RNF212B: variants seen among roughly 807,000 people sequenced by gnomAD.
RNF212B encodes E3 ubiquitin-protein ligase RNF212B.
RNF212B carries 52 observed loss-of-function variants against 55.5 expected under a neutral mutation model. The observed-to-expected ratio is 0.94, with a 90% CI of 0.75 to 1.18. The LOEUF (loss-of-function observed/expected upper bound fraction) is 1.18, where lower values mean the gene tolerates loss of function less well. RNF212B is among the 50% of genes most tolerant of loss of function. The pLI, the probability that RNF212B is intolerant of heterozygous loss-of-function variation, is 0.00. For missense variants in RNF212B, 289 were observed against 350.4 expected, an observed-to-expected ratio of 0.82 and a Z score of 1.40; for synonymous variants, 99 against 121.4, an observed-to-expected ratio of 0.82 and a Z score of 1.21.
intron 4 of RNF212B, among the ~76,000 whole-genome samples, chr14:23,245,103 C>A (rs1359406398): frequency 6.6e-6 from 1 of 152,110 alleles, no homozygotes; most frequent in Non-Finnish European, 1.5e-5. Flanking sequence ...TGGCATATTT[C>A]TTGAGGTTTT....
intron 2 of RNF212B, among the ~76,000 whole-genome samples, chr14:23,214,305 C>T (rs1880861322): frequency 6.6e-6 from 1 of 152,058 alleles, no homozygotes; most frequent in East Asian, 1.9e-4. Flanking sequence ...ACCAGCCTGG[C>T]CAACATAGTG....
chr14:23,233,842 A>G (rs1882911478), upstream of RNF212B, among the ~76,000 whole-genome samples: 1 of 152,138 alleles, frequency 6.6e-6, no homozygotes, highest in African/African-American at 2.4e-5. Flanking sequence ...CATGCCTGTA[A>G]TCCCAGCACT....
upstream of RNF212B, among the ~76,000 whole-genome samples, chr14:23,233,375 T>A (rs1882857431): frequency 2.0e-5 from 3 of 149,662 alleles, no homozygotes. Context: ...CAAATGCCCC[T>A]CTGCGAGAAA....
chr14:23,220,352 C>G (rs979820364), intron 2 of RNF212B, among the ~76,000 whole-genome samples: 1 of 151,842 alleles, frequency 6.6e-6, no homozygotes, highest in Non-Finnish European at 1.5e-5. Flanking sequence ...GCTAACATGG[C>G]AAAACCCCAT....
intron 4 of RNF212B, among the ~76,000 whole-genome samples, chr14:23,252,095 G>A (rs939626887): frequency 6.6e-6 from 1 of 152,046 alleles, no homozygotes; most frequent in South Asian, 2.1e-4. Context: ...AGGGGTTGGG[G>A]GGCGTGGGAA....
At chr14:23,193,714 A>T (rs1376066097) in intron 2 of RNF212B, among the ~76,000 whole-genome samples, 1 of 151,534 alleles carries the variant, frequency 6.6e-6, no homozygotes, top group African/African-American at 2.4e-5. Context: ...AAGAATATGT[A>T]GATAGTCATA....
intron 2 of RNF212B, among the ~76,000 whole-genome samples, chr14:23,232,114 A>T (rs1244196573): frequency 6.9e-6 from 1 of 145,206 alleles, no homozygotes; most frequent in Non-Finnish European, 1.5e-5. Flanking sequence ...ATCGTCTGGG[A>T]TGTGAGGAGC....
chr14:23,257,311 C>T (rs1003204021), intron 4 of RNF212B, among the ~76,000 whole-genome samples: 2 of 152,138 alleles, frequency 1.3e-5, no homozygotes, highest in Non-Finnish European at 2.9e-5. Flanking sequence ...GCATGATCAC[C>T]ATGCCTGGCT....
At chr14:23,232,434 C>T (rs929602937) in intron 2 of RNF212B, among the ~76,000 whole-genome samples, 5 of 150,026 alleles carry the variant, frequency 3.3e-5, no homozygotes, top group South Asian at 4.2e-4. Flanking sequence ...AAGTGAGGAG[C>T]GCCTCCGCCC....
At chr14:23,233,216 G>C (rs936235742), upstream of RNF212B, among the ~76,000 whole-genome samples, 54 of 152,168 alleles carry the variant, frequency 3.5e-4, no homozygotes, top group African/African-American at 1.2e-3. Flanking sequence ...CAGCATGCTG[G>C]TTAAGAGTCA....
chr14:23,220,595 G>A (rs1380845504), intron 2 of RNF212B, among the ~76,000 whole-genome samples: 1 of 151,786 alleles, frequency 6.6e-6, no homozygotes, highest in Non-Finnish European at 1.5e-5. Flanking sequence ...GGAGGCTGAG[G>A]CAGGTGGATC....
At chr14:23,261,601 C>T (rs542673133) in intron 7 of RNF212B, among the ~76,000 whole-genome samples, 1 of 152,272 alleles carries the variant, frequency 6.6e-6, no homozygotes, top group Admixed American at 6.5e-5. Flanking sequence ...TACCATGTTA[C>T]AGGCTGGATA....
chr14:23,228,173 G>C (rs191602589), intron 2 of RNF212B, among the ~76,000 whole-genome samples: 1 of 152,028 alleles, frequency 6.6e-6, no homozygotes, highest in Non-Finnish European at 1.5e-5. Flanking sequence ...TGGAGATTGC[G>C]GTGAGCTGAG....
At chr14:23,237,112 C>T (rs1176351458), upstream of RNF212B, among the ~76,000 whole-genome samples, 2 of 150,372 alleles carry the variant, frequency 1.3e-5, no homozygotes, top group African/African-American at 4.9e-5. Flanking sequence ...CTACGGGCAC[C>T]CGCCACCACA....
chr14:23,267,481 T>C (rs1217528027), intron 11 of RNF212B, among the ~76,000 whole-genome samples: 1 of 151,870 alleles, frequency 6.6e-6, no homozygotes, highest in African/African-American at 2.4e-5. Context: ...TTGGCTAGAG[T>C]GCAGTGGCAA....
chr14:23,193,316 C>G (rs1189622577), intron 1 of RNF212B: 1 of 152,070 alleles, frequency 6.6e-6, no homozygotes, highest in Non-Finnish European at 1.5e-5. Context: ...CTCTTGTGTT[C>G]TTTTTCAGAA....
upstream of RNF212B, among the ~76,000 whole-genome samples, chr14:23,236,929 G>A (rs910263963): frequency 6.7e-6 from 1 of 148,960 alleles, no homozygotes; most frequent in Admixed American, 6.8e-5. Flanking sequence ...CTTCTGTGGA[G>A]AAATCTGATG....
intron 2 of RNF212B, among the ~76,000 whole-genome samples, chr14:23,216,377 C>CAGAGGA (rs1024649068): frequency 2.0e-5 from 3 of 151,354 alleles, no homozygotes; most frequent in Non-Finnish European, 4.4e-5. Context: ...AGAAGTGAAA[C>CAGAGGA]AGAGGAATAA....
intron 2 of RNF212B, among the ~76,000 whole-genome samples, chr14:23,226,364 C>T (rs1364542985): frequency 6.6e-6 from 1 of 151,478 alleles, no homozygotes; most frequent in East Asian, 1.9e-4. Context: ...GGCGCGGTGG[C>T]TCACGCCTGT....
Sources: allele counts gnomAD v4.1 joint callset (sites outside exome capture counted in the v4.1 genomes callset), GRCh38; gene constraint gnomAD v4.1.1; transcripts MANE v1.5; gene names NCBI Gene and HGNC (gene_info 2026-07-23, HGNC 2026-07-21).